CADPS2: variants seen among roughly 807,000 people sequenced by gnomAD.
CADPS2 encodes the protein calcium-dependent secretion activator 2.
A neutral mutation model predicts 172.5 loss-of-function variants in CADPS2; 93 were observed. That is an observed-to-expected ratio of 0.54 (90% confidence interval 0.46 to 0.64). The LOEUF is 0.64. Among genes scored for constraint, CADPS2 ranks in the 30% least tolerant of loss-of-function variants. The pLI, the probability that CADPS2 is intolerant of heterozygous loss-of-function variation, is 0.00. For synonymous variants in CADPS2, 546 were observed against 555.2 expected (o/e 0.98, Z 0.23); for missense variants, 1,420 against 1,565.9 (o/e 0.91, Z 1.57).
At chr7:122,608,373 G>A (rs956511607) in intron 6 of CADPS2, among the ~76,000 whole-genome samples, 3 of 152,002 alleles carry the variant, frequency 2.0e-5, no homozygotes, top group South Asian at 4.2e-4. Context: ...TAAAAAGCAC[G>A]GTTAGATTAT....
intron 19 of CADPS2, 154 bp from the exon 20 acceptor site, chr7:122,407,850 T>G: frequency 1.5e-6 from 1 of 662,692 alleles, no homozygotes; most frequent in Non-Finnish European, 2.6e-6. Flanking sequence ...GAGAAAAATT[T>G]TATAGGTACA....
chr7:122,866,291 A>C (rs1029227267), intron 1 of CADPS2, among the ~76,000 whole-genome samples: 1 of 152,202 alleles, frequency 6.6e-6, no homozygotes, highest in East Asian at 1.9e-4. Context: ...CCACCTATTC[A>C]AACTTTAACC....
intron 20 of CADPS2, among the ~76,000 whole-genome samples, chr7:122,400,092 G>A (rs2045752377): frequency 6.6e-6 from 1 of 151,872 alleles, no homozygotes; most frequent in African/African-American, 2.4e-5. Context: ...TAAACCCTAT[G>A]AAAATATAAA....
chr7:122,397,274 T>C (rs2045273174), intron 20 of CADPS2, among the ~76,000 whole-genome samples: 1 of 152,190 alleles, frequency 6.6e-6, no homozygotes. Flanking sequence ...TCTTAAATTC[T>C]AGCCAAAAGT....
intron 8 of CADPS2, among the ~76,000 whole-genome samples, chr7:122,521,904 A>G (rs7804719): frequency 0.2 from 30,406 of 152,066 alleles, 4,039 homozygotes; most frequent in Non-Finnish European, 0.3. Flanking sequence ...GCCTCAGCTC[A>G]TATCAGCACT....
chr7:122,575,156 A>G (rs1174402816), intron 7 of CADPS2, among the ~76,000 whole-genome samples: 1 of 150,880 alleles, frequency 6.6e-6, no homozygotes, highest in African/African-American at 2.5e-5. Context: ...TTGGATGCTT[A>G]AAAATGTCAT....
intron 1 of CADPS2, among the ~76,000 whole-genome samples, chr7:122,874,203 C>T (rs553312944): frequency 2.2e-4 from 34 of 152,248 alleles, no homozygotes; most frequent in African/African-American, 7.7e-4. Context: ...GTTGACATTG[C>T]TTTTGGTGTT....
intron 14 of CADPS2, among the ~76,000 whole-genome samples, chr7:122,464,911 G>A (rs781242704): frequency 3.3e-5 from 5 of 152,146 alleles, no homozygotes; most frequent in Admixed American, 6.5e-5. Context: ...GTGTGCCAAC[G>A]TTGATTTCTT....
At chr7:122,668,122 A>G (rs2081370329) in intron 2 of CADPS2, among the ~76,000 whole-genome samples, 1 of 152,226 alleles carries the variant, frequency 6.6e-6, no homozygotes, top group Non-Finnish European at 1.5e-5. Flanking sequence ...GTGGAAAACA[A>G]TAAGGGCTAG....
Position 122,388,622 on chromosome 7 carries a change from T to A in CADPS2, c.3125A>T (p.Lys1042Ile). Residue 1042 changes from lysine to isoleucine, a missense_variant, in exon 23 of 30, where the codon AAA becomes ATA. Transcript: ENST00000449022. ...EFAHHLEQRL[K>I]LMASDMLEAC... ...CTCTAGCATATCACTGGCCATTAGT[T>A]TAAGTCTTTGCTCTAAGTGGTGGGC... 6.2e-7 allele frequency: 1 copy of A among 1,609,338 alleles called. No individual in the cohort carries two copies. Among genetic ancestry groups the A allele is most frequent in the Non-Finnish European group, 8.5e-7 (1 of 1,176,928 alleles).
intron 7 of CADPS2, among the ~76,000 whole-genome samples, chr7:122,558,558 G>A (rs947363161): frequency 6.6e-6 from 1 of 152,030 alleles, no homozygotes; most frequent in Non-Finnish European, 1.5e-5. Flanking sequence ...ATAATAAAAT[G>A]TCAGTGTCAC....
At chr7:122,743,396 T>TA (rs747106021) in intron 1 of CADPS2, among the ~76,000 whole-genome samples, 1 of 152,170 alleles carries the variant, frequency 6.6e-6, no homozygotes, top group Non-Finnish European at 1.5e-5. Flanking sequence ...GGATTTATAC[T>TA]ACTGCAGGAG....
chr7:122,644,833 C>T (rs2078123639), intron 3 of CADPS2, among the ~76,000 whole-genome samples: 2 of 152,078 alleles, frequency 1.3e-5, no homozygotes, highest in Admixed American at 6.6e-5. Context: ...ATGAAAGAAT[C>T]AGGTACCATT....
At chr7:122,465,141 C>T (rs192773906) in intron 14 of CADPS2, among the ~76,000 whole-genome samples, 9 of 152,076 alleles carry the variant, frequency 5.9e-5, no homozygotes, top group Admixed American at 5.2e-4. Context: ...TAAAAATGAA[C>T]AATATTAGAC....
chr7:122,823,271 ATTTTAG>A, intron 1 of CADPS2, among the ~76,000 whole-genome samples: 1 of 152,296 alleles, frequency 6.6e-6, no homozygotes, highest in East Asian at 1.9e-4. Context: ...ATGCCATTCT[ATTTTAG>A]GGGGAAAAAA....
intron 8 of CADPS2, among the ~76,000 whole-genome samples, chr7:122,546,817 C>T (rs767826955): frequency 6.6e-6 from 1 of 152,060 alleles, no homozygotes; most frequent in Non-Finnish European, 1.5e-5. Flanking sequence ...CTCTTCCTGC[C>T]TGTCTCATCA....
intron 14 of CADPS2, among the ~76,000 whole-genome samples, chr7:122,471,082 T>C (rs1267540392): frequency 6.6e-6 from 1 of 152,198 alleles, no homozygotes; most frequent in Non-Finnish European, 1.5e-5. Context: ...CTTAAGGCTA[T>C]TCAGACTTAC....
intron 17 of CADPS2, among the ~76,000 whole-genome samples, chr7:122,425,800 T>C (rs1395076135): frequency 2.6e-5 from 4 of 152,224 alleles, no homozygotes; most frequent in Admixed American, 1.3e-4. Context: ...ATAAAGTCTA[T>C]AGCATCTTTA....
chr7:122,570,706 A>C (rs1334149961), intron 7 of CADPS2, among the ~76,000 whole-genome samples: 3 of 151,938 alleles, frequency 2.0e-5, no homozygotes, highest in African/African-American at 7.3e-5. Context: ...TGCAGCCATA[A>C]AAAATGATGA....
Sources: allele counts gnomAD v4.1 joint callset (sites outside exome capture counted in the v4.1 genomes callset), GRCh38; gene constraint gnomAD v4.1.1; transcripts MANE v1.5; gene names NCBI Gene and HGNC (gene_info 2026-07-23, HGNC 2026-07-21).